The following AKR1C8 variants were observed in gnomAD, a reference collection of about 807,000 sequenced individuals.
The protein encoded by AKR1C8 is aldo-keto reductase family 1 member C8, also known as aldo-keto reductase family 1 member C-like protein 1.
chr10:5,176,264 G>C, the AKR1C8 span, among the ~76,000 whole-genome samples: 117 of 122,506 alleles, frequency 9.6e-4, 4 homozygotes, highest in African/African-American at 3.0e-3. Context: ...TTTTTCTCAG[G>C]TTTGTCAAAG....
At chr10:5,178,754 C>A in the AKR1C8 span, among the ~76,000 whole-genome samples, 4 of 152,060 alleles carry the variant, frequency 2.6e-5, no homozygotes, top group South Asian at 2.1e-4. Context: ...CTCTTTTGAT[C>A]TTTGTTGGTT....
chr10:5,161,231 T>C, the AKR1C8 span, among the ~76,000 whole-genome samples: 1 of 152,228 alleles, frequency 6.6e-6, no homozygotes, highest in Non-Finnish European at 1.5e-5. Flanking sequence ...GAATTCATTT[T>C]GTTTCCCAAG....
chr10:5,178,309 C>T, the AKR1C8 span, among the ~76,000 whole-genome samples: 1 of 152,058 alleles, frequency 6.6e-6, no homozygotes. Flanking sequence ...TTTCTTAATC[C>T]TGAGTTCTAG....
chr10:5,117,207 TCACCGCTTAAC>T, the AKR1C8 span, among the ~76,000 whole-genome samples: 1 of 152,060 alleles, frequency 6.6e-6, no homozygotes, highest in Non-Finnish European at 1.5e-5. Context: ...CACATTTAAT[TCACCGCTTAAC>T]CACTTTTAAA....
chr10:5,127,988 A>G, the AKR1C8 span, among the ~76,000 whole-genome samples: 1 of 152,146 alleles, frequency 6.6e-6, no homozygotes, highest in Admixed American at 6.6e-5. Flanking sequence ...TCATGAGTCT[A>G]TCTAAAGTCA....
chr10:5,176,604 C>T, the AKR1C8 span, among the ~76,000 whole-genome samples: 3 of 151,614 alleles, frequency 2.0e-5, no homozygotes, highest in Admixed American at 6.6e-5. Flanking sequence ...TTCTTCCTAC[C>T]CATGAGCATG....
At chr10:5,156,905 T>C in the AKR1C8 span, among the ~76,000 whole-genome samples, 1 of 152,192 alleles carries the variant, frequency 6.6e-6, no homozygotes, top group Non-Finnish European at 1.5e-5. Context: ...AGCTTACATA[T>C]TTTTTCAAAA....
the AKR1C8 span, among the ~76,000 whole-genome samples, chr10:5,150,227 A>G: frequency 1.3e-5 from 2 of 152,138 alleles, no homozygotes; most frequent in African/African-American, 4.8e-5. Flanking sequence ...AGTGTATTTA[A>G]AGAAGCAAGT....
chr10:5,135,365 G>A, the AKR1C8 span: 60,178 of 153,100 alleles, frequency 0.39, 12,667 homozygotes, highest in Non-Finnish European at 0.43. Context: ...TGTAGGAAGA[G>A]GCAAGTGATG....
the AKR1C8 span, among the ~76,000 whole-genome samples, chr10:5,144,389 A>T: frequency 6.6e-6 from 1 of 152,114 alleles, no homozygotes; most frequent in Non-Finnish European, 1.5e-5. Flanking sequence ...ACTTTAAAGT[A>T]GTTTTTTCCA....
chr10:5,133,194 T>G, the AKR1C8 span, among the ~76,000 whole-genome samples: 48 of 152,144 alleles, frequency 3.2e-4, no homozygotes, highest in African/African-American at 9.7e-4. Context: ...CATCTCGGAC[T>G]GAAACAATCC....
chr10:5,138,497 A>G, the AKR1C8 span, among the ~76,000 whole-genome samples: 867 of 152,182 alleles, frequency 5.7e-3, 8 homozygotes, highest in African/African-American at 0.02. Context: ...TTCAAGGTGC[A>G]CTGATTTCAT....
the AKR1C8 span, among the ~76,000 whole-genome samples, chr10:5,140,388 G>C: frequency 6.6e-6 from 1 of 152,084 alleles, no homozygotes; most frequent in African/African-American, 2.4e-5. Context: ...CAAAGACTTG[G>C]AACCAACCCA....
the AKR1C8 span, chr10:5,157,746 G>T: frequency 2.1e-6 from 1 of 472,188 alleles, no homozygotes; most frequent in South Asian, 1.5e-5. Context: ...TGTGTTTCTT[G>T]GCAATGGATT....
At chr10:5,156,587 C>CCAT in the AKR1C8 span, among the ~76,000 whole-genome samples, 18 of 149,118 alleles carry the variant, frequency 1.2e-4, no homozygotes, top group African/African-American at 3.4e-4. Flanking sequence ...ATGTATCCGT[C>CCAT]CATCTTCTTT....
chr10:5,179,457 T>C, the AKR1C8 span, among the ~76,000 whole-genome samples: 2 of 152,142 alleles, frequency 1.3e-5, no homozygotes, highest in Non-Finnish European at 2.9e-5. Context: ...ATTATGTATC[T>C]TGGAGTTGCT....
chr10:5,165,127 C>CA, the AKR1C8 span, among the ~76,000 whole-genome samples: 1 of 152,136 alleles, frequency 6.6e-6, no homozygotes, highest in African/African-American at 2.4e-5. Flanking sequence ...TACTGATAGA[C>CA]ATTCATGACA....
the AKR1C8 span, among the ~76,000 whole-genome samples, chr10:5,177,182 C>T: frequency 2.1e-4 from 32 of 152,110 alleles, no homozygotes; most frequent in African/African-American, 6.3e-4. Context: ...GAGTTTTTAG[C>T]ATGAAGGGCT....
chr10:5,145,498 A>C, the AKR1C8 span, among the ~76,000 whole-genome samples: 1 of 151,844 alleles, frequency 6.6e-6, no homozygotes, highest in Non-Finnish European at 1.5e-5. Context: ...ACAAATTTAC[A>C]AGAAAAAAAA....
Sources: gnomAD v4.1 joint callset for allele counts (sites outside exome capture counted in the v4.1 genomes callset) on GRCh38, gnomAD v4.1.1 for gene constraint, MANE v1.5 for transcripts, NCBI Gene and HGNC (gene_info 2026-07-23, HGNC 2026-07-21) for gene names.